The following CSMD3 variants were observed in gnomAD, a reference collection of about 807,000 sequenced individuals.
CSMD3 encodes the protein CUB and Sushi multiple domains 3.
In CSMD3, 177 loss-of-function variants were observed where a neutral mutation model predicts 435.2. The observed-to-expected ratio is 0.41, with a 90% confidence interval of 0.36 to 0.46. CSMD3 has a LOEUF of 0.46. CSMD3 is among the 20% of genes least tolerant of loss of function. The pLI is 0.34. For synonymous variants in CSMD3, 1,656 were observed against 1,520.5 expected, an observed-to-expected ratio of 1.09 and a Z score of -2.07; for missense variants, 4,265 against 4,504.6, an observed-to-expected ratio of 0.95 and a Z score of 1.52.
intron 13 of CSMD3, among the ~76,000 whole-genome samples, chr8:112,711,324 C>T (rs2076605329): frequency 6.6e-6 from 1 of 151,762 alleles, no homozygotes; most frequent in African/African-American, 2.4e-5. Context: ...AAGACAGAGG[C>T]ACCATTAAAC....
chr8:112,705,058 C>T (rs1398116262), intron 13 of CSMD3, among the ~76,000 whole-genome samples: 4 of 152,082 alleles, frequency 2.6e-5, no homozygotes, highest in Admixed American at 6.6e-5. Context: ...TCAATATTTA[C>T]AGAGCATATA....
chr8:112,555,750 A>C (rs986371412), intron 25 of CSMD3, among the ~76,000 whole-genome samples: 1 of 151,988 alleles, frequency 6.6e-6, no homozygotes, highest in Non-Finnish European at 1.5e-5. Flanking sequence ...TATTCTAGCA[A>C]GTTTTATGGC....
intron 36 of CSMD3, among the ~76,000 whole-genome samples, chr8:112,390,251 C>T (rs541705114): frequency 6.6e-6 from 1 of 152,258 alleles, no homozygotes; most frequent in Non-Finnish European, 1.5e-5. Flanking sequence ...TAGCTGCTGG[C>T]CATTGCTATG....
chr8:112,830,372 A>G (rs529590356), intron 11 of CSMD3, among the ~76,000 whole-genome samples: 1 of 152,182 alleles, frequency 6.6e-6, no homozygotes, highest in East Asian at 1.9e-4. Context: ...TGGGAGCACA[A>G]TACTTTGAGA....
intron 5 of CSMD3, among the ~76,000 whole-genome samples, chr8:113,022,761 T>C (rs1031608272): frequency 6.6e-6 from 1 of 151,708 alleles, no homozygotes; most frequent in Non-Finnish European, 1.5e-5. Flanking sequence ...GTCTCTTGAG[T>C]AATAAATACA....
chr8:112,499,215 G>GA (rs755845285), intron 30 of CSMD3, among the ~76,000 whole-genome samples: 1 of 151,768 alleles, frequency 6.6e-6, no homozygotes, highest in South Asian at 2.1e-4. Flanking sequence ...AAAAATAAAA[G>GA]AAAAAGGCTA....
intron 4 of CSMD3, among the ~76,000 whole-genome samples, chr8:113,112,502 CTT>C (rs2090691123): frequency 3.1e-5 from 4 of 129,252 alleles, no homozygotes; most frequent in Admixed American, 2.4e-4. Flanking sequence ...CACACACACA[CTT>C]GTGAGTGTCC....
chr8:113,199,412 C>A (rs903849097), intron 3 of CSMD3, among the ~76,000 whole-genome samples: 12 of 151,614 alleles, frequency 7.9e-5, no homozygotes, highest in African/African-American at 1.7e-4. Flanking sequence ...GATCTGTCTG[C>A]ATTTTTGGAT....
At chr8:113,347,797 G>A (rs1361200732) in intron 1 of CSMD3, among the ~76,000 whole-genome samples, 3 of 152,046 alleles carry the variant, frequency 2.0e-5, no homozygotes, top group Non-Finnish European at 2.9e-5. Flanking sequence ...AACAAATAAC[G>A]TTTTTTAAAA....
intron 5 of CSMD3, among the ~76,000 whole-genome samples, chr8:113,033,581 T>A (rs2087214113): frequency 6.6e-6 from 1 of 150,998 alleles, no homozygotes; most frequent in African/African-American, 2.4e-5. Flanking sequence ...TTTTTTTTTT[T>A]TTTTTGCTTT....
intron 3 of CSMD3, among the ~76,000 whole-genome samples, chr8:113,207,754 T>C (rs781723114): frequency 9.9e-5 from 15 of 152,130 alleles, no homozygotes; most frequent in Non-Finnish European, 1.8e-4. Flanking sequence ...AAAAGAAAGA[T>C]ATATACTTGA....
chr8:112,502,815 T>C (rs926872843), intron 30 of CSMD3, among the ~76,000 whole-genome samples: 4 of 152,128 alleles, frequency 2.6e-5, no homozygotes, highest in Non-Finnish European at 4.4e-5. Flanking sequence ...TGGTAACAAA[T>C]CAAAGCATGT....
chr8:112,551,798 T>C (rs918635538), intron 26 of CSMD3, among the ~76,000 whole-genome samples: 1 of 152,072 alleles, frequency 6.6e-6, no homozygotes, highest in Non-Finnish European at 1.5e-5. Context: ...GAAATTCCAT[T>C]GTATATAAAT....
At chr8:113,435,911 C>A (rs903982316) in intron 1 of CSMD3, among the ~76,000 whole-genome samples, 13 of 151,970 alleles carry the variant, frequency 8.6e-5, no homozygotes, top group Non-Finnish European at 1.2e-4. Flanking sequence ...ATCCCACCTA[C>A]CCCCTCCCCT....
At chr8:112,992,471 A>G (rs1240325521) in intron 6 of CSMD3, among the ~76,000 whole-genome samples, 2 of 151,780 alleles carry the variant, frequency 1.3e-5, no homozygotes, top group Non-Finnish European at 2.9e-5. Context: ...GCCTTGGTCT[A>G]TCATCTCAAA....
intron 1 of CSMD3, among the ~76,000 whole-genome samples, chr8:113,343,975 T>A (rs968101252): frequency 2.0e-5 from 3 of 152,168 alleles, no homozygotes; most frequent in African/African-American, 7.2e-5. Flanking sequence ...AAAAATACTG[T>A]AAATTTATAT....
intron 31 of CSMD3, among the ~76,000 whole-genome samples, chr8:112,489,025 TA>T (rs977010884): frequency 4.6e-5 from 7 of 152,028 alleles, no homozygotes; most frequent in Non-Finnish European, 7.4e-5. Flanking sequence ...CAGATAAAAA[TA>T]AAAAAATTAT....
At chr8:113,350,065 C>T (rs531075870) in intron 1 of CSMD3, among the ~76,000 whole-genome samples, 1 of 151,872 alleles carries the variant, frequency 6.6e-6, no homozygotes, top group Non-Finnish European at 1.5e-5. Context: ...CACAACCAAC[C>T]ACAACCATTC....
At chr8:112,309,668 C>T (rs1449971306) in intron 50 of CSMD3, among the ~76,000 whole-genome samples, 1 of 152,054 alleles carries the variant, frequency 6.6e-6, no homozygotes, top group Non-Finnish European at 1.5e-5. Context: ...GGTAATGGTG[C>T]TTCCCAGAAT....
Sources: gnomAD v4.1 joint callset for allele counts (sites outside exome capture counted in the v4.1 genomes callset) on GRCh38, gnomAD v4.1.1 for gene constraint, MANE v1.5 for transcripts, NCBI Gene and HGNC (gene_info 2026-07-23, HGNC 2026-07-21) for gene names.